The following FAT4 variants were observed in gnomAD, a reference collection of about 807,000 sequenced individuals.
FAT4 encodes the protein FAT atypical cadherin 4, also known as protocadherin Fat 4.
FAT4 carries 84 observed loss-of-function variants against 303.9 expected under a neutral mutation model. The observed-to-expected ratio is 0.28, with a 90% CI of 0.23 to 0.33. The LOEUF (loss-of-function observed/expected upper bound fraction) is 0.33, where lower values mean the gene tolerates loss of function less well. Ranked by LOEUF, FAT4 falls within the 10% of genes least tolerant of loss-of-function variation. FAT4 has a pLI of 1.00. For synonymous variants in FAT4, 2,307 were observed against 2,298.8 expected, an observed-to-expected ratio of 1.00 and a Z score of -0.10; for missense variants, 6,005 against 6,146.8, an observed-to-expected ratio of 0.98 and a Z score of 0.77.
intron 2 of FAT4, among the ~76,000 whole-genome samples, chr4:125,398,434 T>G (rs1042309658): frequency 1.5e-4 from 23 of 152,278 alleles, no homozygotes; most frequent in African/African-American, 4.8e-4. Flanking sequence ...AGGCAGCATT[T>G]AATGGTTGAA....
chr4:125,481,153 G>A (rs1506362), intron 15 of FAT4, among the ~76,000 whole-genome samples: 151,089 of 152,308 alleles, frequency 0.99, 74,953 homozygotes, highest in Middle Eastern at 1. Context: ...CCATGCAAAC[G>A]TATATTTTGG....
chr4:125,416,735 C>A, intron 7 of FAT4, 113 bp downstream of exon 7: 1 of 1,042,510 alleles, frequency 9.6e-7, no homozygotes, highest in Non-Finnish European at 1.4e-6. Context: ...TACTTGAGGT[C>A]GGGAGTTCAA....
intron 7 of FAT4, among the ~76,000 whole-genome samples, chr4:125,420,437 G>A (rs1735243606): frequency 6.6e-6 from 1 of 152,054 alleles, no homozygotes; most frequent in Admixed American, 6.6e-5. Flanking sequence ...ATTTTAATAT[G>A]CAACTGTTAT....
intron 10 of FAT4, among the ~76,000 whole-genome samples, chr4:125,454,719 G>A (rs1057175343): frequency 1.3e-5 from 2 of 152,160 alleles, no homozygotes; most frequent in Non-Finnish European, 2.9e-5. Context: ...TGTAATCTCA[G>A]CTACTCAGGA....
At position 125,491,801 on chromosome 4, in the gene FAT4, C is replaced by T. The variant is rs181001916; in HGVS notation, c.*33C>T. On this transcript the variant is annotated 3_prime_UTR_variant, in exon 18 of 18. Coordinates refer to ENST00000394329, the MANE Select transcript of FAT4 (RefSeq NM_001291303.3). ...GTACTGGCACTATAAAATATAAAAA[C>T]AAGAAATAATACTCAAACCATTGTA... 48 of 1,538,726 alleles carry T rather than the reference C, an allele frequency of 3.1e-5. No individual in the cohort carries two copies. The African/African-American group carries it at 5.9e-4, about 19-fold the overall frequency.
At chr4:125,481,934 G>C (rs1727245482) in intron 16 of FAT4, among the ~76,000 whole-genome samples, 196 bp downstream of exon 16, 1 of 152,158 alleles carries the variant, frequency 6.6e-6, no homozygotes, top group Non-Finnish European at 1.5e-5. Context: ...TGAATGGTTT[G>C]GTTTCTACAC....
At chr4:125,482,785 C>T (rs911768663) in intron 16 of FAT4, among the ~76,000 whole-genome samples, 2 of 152,012 alleles carry the variant, frequency 1.3e-5, no homozygotes, top group Non-Finnish European at 2.9e-5. Flanking sequence ...AAACTTCAGC[C>T]TCTTTCATCC....
intron 11 of FAT4, 69 bp from the exon 12 acceptor site, chr4:125,468,443 T>A: frequency 8.9e-7 from 1 of 1,126,122 alleles, no homozygotes; most frequent in Non-Finnish European, 1.2e-6. Flanking sequence ...TTCAAAAATA[T>A]TTTAATCAAA....
chr4:125,380,885 G>A (rs1251034630), intron 2 of FAT4, among the ~76,000 whole-genome samples: 1 of 151,910 alleles, frequency 6.6e-6, no homozygotes, highest in African/African-American at 2.4e-5. Context: ...TATATTTCAG[G>A]GCAGGAAAAC....
In FAT4 at chr4:125,408,742, T is replaced by G; in HGVS notation, c.5868T>G (p.Asn1956Lys). 1 of 1,607,052 alleles carries G rather than the reference T, an allele frequency of 6.2e-7. No individual in the cohort carries two copies. Among genetic ancestry groups the G allele is most frequent in the Non-Finnish European group, 8.5e-7 (1 of 1,176,044 alleles). Residue 1956 changes from asparagine (N) to lysine (K), a missense_variant, in exon 5 of 18, where the codon AAT (asparagine) becomes AAG (lysine). Transcript: ENST00000394329. ...LNSYSTSLME[N>K]LPVGSTVLVF... is the part of the protein sequence containing the mutation. The stretch of plus-strand genomic sequence containing the variant: ...CATACAGCACATCTTTAATGGAGAA[T>G]CTACCTGTGGGATCTACTGTTCTTG...
chr4:125,405,574 G>C (rs1314819669), intron 3 of FAT4, among the ~76,000 whole-genome samples: 1 of 151,508 alleles, frequency 6.6e-6, no homozygotes, highest in Non-Finnish European at 1.5e-5. Context: ...ACAGTGGTGC[G>C]ATCTTGGCTC....
rs1266520096 is a variant in FAT4, at chr4:125,320,120, G to A, written c.3709G>A (p.Val1237Ile). The change falls in exon 2 of 18, where the codon GTT becomes ATT. Residue 1237 changes from valine (V) to isoleucine (I), a missense_variant. Coordinates refer to ENST00000394329, the MANE Select transcript of FAT4 (RefSeq NM_001291303.3). ...TQVLRVSASD[V>I]DEGNNGLIHY... ...AGTGTTAAGAGTATCTGCCTCAGATGTTGATGAAGGTAATAATGGACTTAT... is the reference window on the plus strand; with the variant it reads ...AGTGTTAAGAGTATCTGCCTCAGATATTGATGAAGGTAATAATGGACTTAT... The A allele has an allele frequency of 6.2e-7, 1 of 1,614,028 alleles. No homozygotes were observed. Among genetic ancestry groups the A allele is most frequent in the Non-Finnish European group, 8.5e-7 (1 of 1,179,936 alleles).
In FAT4 at chr4:125,450,696, C is replaced by T; in HGVS notation, c.9686C>T (p.Ala3229Val). The change falls in exon 10 of 18, where the codon GCT (alanine) becomes GTT (valine). Residue 3229 changes from alanine to valine, a missense_variant. Ala to Val is a moderately conservative substitution (Grantham distance 64). Transcript: ENST00000394329. ...ACAGATGCTGACTCTGGAACAAATG[C>T]TGTGATTGCGTATACTGTACAGTCA... The part of the protein sequence containing the change: ...NATDADSGTN[A>V]VIAYTVQSSD... The T allele has an allele frequency of 6.2e-7, 1 of 1,614,080 alleles. No homozygotes were observed. Among genetic ancestry groups the T allele is most frequent in the Non-Finnish European group, 8.5e-7 (1 of 1,179,996 alleles).
chr4:125,481,066 G>A (rs542403148), intron 15 of FAT4, among the ~76,000 whole-genome samples: 5 of 151,970 alleles, frequency 3.3e-5, no homozygotes, highest in Admixed American at 1.3e-4. Context: ...GTTAGTTACC[G>A]ATGTAAATAC....
At chr4:125,355,087 T>C (rs1383202065) in intron 2 of FAT4, among the ~76,000 whole-genome samples, 2 of 151,948 alleles carry the variant, frequency 1.3e-5, no homozygotes. Flanking sequence ...AATAATTCCC[T>C]GCATATCATC....
intron 2 of FAT4, among the ~76,000 whole-genome samples, chr4:125,358,264 C>T (rs765733314): frequency 3.1e-4 from 47 of 152,066 alleles, no homozygotes; most frequent in Admixed American, 1.6e-3. Flanking sequence ...CACCAGGGAC[C>T]GGTTTCATGG....
rs769283475 is a variant in FAT4, at chr4:125,319,697, A to C, written c.3286A>C (p.Asn1096His). Residue 1096 changes from asparagine to histidine, a missense_variant, in exon 2 of 18, where the codon AAC becomes CAC. Coordinates refer to ENST00000394329, the MANE Select transcript of FAT4 (RefSeq NM_001291303.3). ...TGTAATTTTAGAAGATGTAAATGAT[A>C]ACAGACCTCTTTTTAACAGTACCAA... ...VTVILEDVND[N>H]RPLFNSTNYT... The C allele has an allele frequency of 6.2e-7, 1 of 1,614,130 alleles. No individual in the cohort carries two copies. The highest frequency in any genetic ancestry group is 8.5e-7 in the Non-Finnish European group (1 of 1,179,968).
rs1182465153 is a variant in FAT4 at position 125,316,154 on chromosome 4, G to A, written c.-13+177G>A. Among the ~76,000 whole-genome samples, 1 of 152,146 alleles carries A rather than the reference G, an allele frequency of 6.6e-6. No homozygotes were observed. Among genetic ancestry groups the A allele is most frequent in the Non-Finnish European group, 1.5e-5 (1 of 68,026 alleles). On this transcript the variant is annotated intron_variant, in intron 1 of 17. Transcript: ENST00000394329. The surrounding 1 kb of genome is among the most constrained non-coding windows in gnomAD (Gnocchi z 5.7). Reference sequence around the variant, plus strand: ...CTTGAGAAACTTTTCTGGGAACTCAGCTCACAGGAGTGTCCCGCGGAATGC... The same window carrying A: ...CTTGAGAAACTTTTCTGGGAACTCAACTCACAGGAGTGTCCCGCGGAATGC...
In FAT4 at chr4:125,468,514, G is replaced by A. The variant is rs150491813; in HGVS notation, c.11908G>A (p.Val3970Ile). 7 of 1,485,730 alleles carry A rather than the reference G, an allele frequency of 4.7e-6. No homozygotes were observed. The highest frequency in any genetic ancestry group is 4.5e-6 in the Non-Finnish European group (5 of 1,106,830). 92.0% of individuals were successfully genotyped at this position (1,485,730 alleles called of 1,614,324 possible). ...TTTGTCAATTTTCCCTCCAACAGGTGTCTTTGGAAAACACTGCGAGTTGAA... is the reference window on the plus strand; with the variant it reads ...TTTGTCAATTTTCCCTCCAACAGGTATCTTTGGAAAACACTGCGAGTTGAA... ...DSYYCHCPFG[V>I]FGKHCELNSY... The change falls in exon 12 of 18, where the codon GTC (valine) becomes ATC (isoleucine). Residue 3970 changes from valine to isoleucine, a missense_variant and splice_region_variant. Physicochemically the swap from Val to Ile is conservative, Grantham distance 29 (BLOSUM62 3). Coordinates refer to ENST00000394329, the MANE Select transcript of FAT4 (RefSeq NM_001291303.3).
Sources: allele counts gnomAD v4.1 joint callset (sites outside exome capture counted in the v4.1 genomes callset), GRCh38; gene constraint gnomAD v4.1.1; non-coding constraint Gnocchi (gnomAD v3.1); transcripts MANE v1.5; gene names NCBI Gene and HGNC (gene_info 2026-07-23, HGNC 2026-07-21).